The following PTPRD variants were observed in gnomAD, a reference collection of about 807,000 sequenced individuals.
PTPRD encodes the protein receptor-type tyrosine-protein phosphatase delta.
Under a neutral mutation model 214.5 loss-of-function variants are expected in PTPRD, and 34 were observed. The observed-to-expected ratio is 0.16, with a 90% CI of 0.12 to 0.21. The LOEUF (loss-of-function observed/expected upper bound fraction) is 0.21. Among genes scored for constraint, PTPRD ranks in the 10% least tolerant of loss-of-function variants. The pLI, the probability that PTPRD is intolerant of heterozygous loss-of-function variation, is 1.00. For missense variants in PTPRD, 2,545 were observed against 2,398.7 expected, an observed-to-expected ratio of 1.06 and a Z score of -1.27; for synonymous variants, 1,128 against 845.7, an observed-to-expected ratio of 1.33 and a Z score of -5.79.
chr9:9,354,052 C>T (rs187098677), intron 9 of PTPRD, among the ~76,000 whole-genome samples: 1 of 151,916 alleles, frequency 6.6e-6, no homozygotes, highest in East Asian at 2.0e-4. Flanking sequence ...TCCTTGTCCC[C>T]ACATGGCCTC....
At chr9:8,508,831 T>C (rs1238474273) in intron 21 of PTPRD, among the ~76,000 whole-genome samples, 1 of 152,056 alleles carries the variant, frequency 6.6e-6, no homozygotes, top group Non-Finnish European at 1.5e-5. Context: ...GTAGAATTCC[T>C]AATGATAATT....
chr9:8,702,091 G>C (rs542795233), intron 12 of PTPRD, among the ~76,000 whole-genome samples: 1 of 152,006 alleles, frequency 6.6e-6, no homozygotes, highest in South Asian at 2.1e-4. Context: ...ACTTTAGTTT[G>C]CTCTCCTACT....
intron 9 of PTPRD, among the ~76,000 whole-genome samples, chr9:9,368,988 A>G (rs559202650): frequency 6.6e-5 from 10 of 151,810 alleles, no homozygotes; most frequent in Non-Finnish European, 1.5e-4. Context: ...TTCAATTCCC[A>G]TCTATGAGTG....
intron 11 of PTPRD, among the ~76,000 whole-genome samples, chr9:8,755,889 C>A (rs1483091672): frequency 6.6e-6 from 1 of 152,130 alleles, no homozygotes; most frequent in African/African-American, 2.4e-5. Context: ...CAGTAACTAG[C>A]CTCTAATAAA....
intron 3 of PTPRD, among the ~76,000 whole-genome samples, chr9:10,242,228 ATCATTT>A (rs1356579729): frequency 6.6e-6 from 1 of 151,968 alleles, no homozygotes; most frequent in Non-Finnish European, 1.5e-5. Flanking sequence ...AAGAGACAGG[ATCATTT>A]TCAGTTCTCT....
At chr9:10,141,985 C>G (rs1434852703) in intron 3 of PTPRD, among the ~76,000 whole-genome samples, 1 of 152,148 alleles carries the variant, frequency 6.6e-6, no homozygotes, top group African/African-American at 2.4e-5. Flanking sequence ...CTACAACTAT[C>G]TGATCTTTGA....
At chr9:9,732,882 A>G (rs1278543607) in intron 7 of PTPRD, among the ~76,000 whole-genome samples, 1 of 151,526 alleles carries the variant, frequency 6.6e-6, no homozygotes, top group Non-Finnish European at 1.5e-5. Context: ...CCAGGAGGCC[A>G]GCATGGGCAA....
chr9:9,067,526 T>C (rs1438517409), intron 10 of PTPRD, among the ~76,000 whole-genome samples: 1 of 152,198 alleles, frequency 6.6e-6, no homozygotes, highest in Non-Finnish European at 1.5e-5. Flanking sequence ...TTTCTCCTCC[T>C]CTTCTTGGCA....
intron 4 of PTPRD, among the ~76,000 whole-genome samples, chr9:9,975,720 A>T (rs1294323701): frequency 6.6e-6 from 1 of 152,164 alleles, no homozygotes; most frequent in Non-Finnish European, 1.5e-5. Context: ...CTCCTGGAGG[A>T]GGCAATAGAG....
chr9:9,333,865 A>G (rs1342725998), intron 9 of PTPRD, among the ~76,000 whole-genome samples: 1 of 151,942 alleles, frequency 6.6e-6, no homozygotes, highest in African/African-American at 2.4e-5. Context: ...AATAGTATAT[A>G]TTACTTAAAC....
At chr9:10,594,077 T>G (rs981760104) in intron 2 of PTPRD, among the ~76,000 whole-genome samples, 2 of 152,024 alleles carry the variant, frequency 1.3e-5, no homozygotes, top group Admixed American at 6.6e-5. Flanking sequence ...CCATCTTTTC[T>G]ACTTATTTTA....
intron 11 of PTPRD, among the ~76,000 whole-genome samples, chr9:8,809,694 A>C (rs1275772092): frequency 1.3e-5 from 2 of 152,186 alleles, no homozygotes; most frequent in Non-Finnish European, 2.9e-5. Context: ...TATAGCTGGC[A>C]TAAGGTTTAC....
chr9:9,386,190 T>C (rs1317645850), intron 9 of PTPRD, among the ~76,000 whole-genome samples: 1 of 152,152 alleles, frequency 6.6e-6, no homozygotes, highest in Non-Finnish European at 1.5e-5. Context: ...ATGACATGCA[T>C]CTTCTAGATT....
At chr9:9,385,660 C>G (rs2063648235) in intron 9 of PTPRD, among the ~76,000 whole-genome samples, 1 of 152,098 alleles carries the variant, frequency 6.6e-6, no homozygotes. Flanking sequence ...TGAATACAGG[C>G]AAGAAGAATG....
intron 11 of PTPRD, among the ~76,000 whole-genome samples, chr9:8,988,542 T>C (rs2099354288): frequency 6.6e-6 from 1 of 152,158 alleles, no homozygotes; most frequent in Non-Finnish European, 1.5e-5. Flanking sequence ...CCTGAAATTT[T>C]ATGTTACTGG....
chr9:10,535,007 G>C (rs1317779459), intron 2 of PTPRD, among the ~76,000 whole-genome samples: 2 of 152,166 alleles, frequency 1.3e-5, no homozygotes, highest in Admixed American at 6.6e-5. Flanking sequence ...CCTTGAAATG[G>C]ATGTATGAGC....
At chr9:9,491,372 A>G (rs2095887931) in intron 8 of PTPRD, among the ~76,000 whole-genome samples, 1 of 152,124 alleles carries the variant, frequency 6.6e-6, no homozygotes, top group East Asian at 1.9e-4. Flanking sequence ...TCAACTCTGA[A>G]AAATGGGTAG....
At chr9:9,736,966 G>A (rs943911445) in intron 6 of PTPRD, among the ~76,000 whole-genome samples, 2 of 151,698 alleles carry the variant, frequency 1.3e-5, no homozygotes, top group Non-Finnish European at 2.9e-5. Flanking sequence ...CTTTACTTAT[G>A]TGTCCTGTTT....
chr9:8,356,569 G>A (rs748300358), intron 39 of PTPRD, among the ~76,000 whole-genome samples: 24 of 152,178 alleles, frequency 1.6e-4, no homozygotes, highest in Admixed American at 5.9e-4. Context: ...AAAACTCAGT[G>A]ATACCCCTGT....
Sources: gnomAD v4.1 joint callset for allele counts (sites outside exome capture counted in the v4.1 genomes callset) on GRCh38, gnomAD v4.1.1 for gene constraint, MANE v1.5 for transcripts, NCBI Gene and HGNC (gene_info 2026-07-23, HGNC 2026-07-21) for gene names.